The following LRRC36 variants were observed in gnomAD, a reference collection of about 807,000 sequenced individuals.
LRRC36 encodes leucine rich repeat containing 36.
Under a neutral mutation model 81.1 loss-of-function variants are expected in LRRC36, and 62 were observed. The ratio of observed to expected loss-of-function variants is 0.76; its 90% CI spans 0.62 to 0.94. The LOEUF (loss-of-function observed/expected upper bound fraction) is 0.94, where lower values mean the gene tolerates loss of function less well. LRRC36 is among the 40% of genes least tolerant of loss of function. LRRC36 has a pLI of 0.00. For synonymous variants in LRRC36, 334 were observed against 348.6 expected (o/e 0.96, Z 0.47); for missense variants, 761 against 881.7 (o/e 0.86, Z 1.73).
chr16:67,375,526 A>G, intron 10 of LRRC36, 114 bp downstream of exon 10: 1 of 717,554 alleles, frequency 1.4e-6, no homozygotes, highest in South Asian at 2.8e-5. Flanking sequence ...TCTCATGATC[A>G]CATCCTGAAA....
intron 12 of LRRC36, among the ~76,000 whole-genome samples, chr16:67,379,133 A>G (rs527293971): frequency 2.0e-5 from 3 of 152,170 alleles, no homozygotes; most frequent in South Asian, 2.1e-4. Context: ...CAAATTTACA[A>G]TTGTGGCTGG....
rs988376282 is a variant in LRRC36, at chr16:67,375,069, G to A, written c.1495-178G>A. ...TTGAACCTGGGAGGCAGAGATTGCA[G>A]TGAGCCCAGATCGCACCACTGCACT... is the stretch of plus-strand genomic sequence containing the variant. On this transcript the variant is annotated intron_variant, in intron 9 of 13. Coordinates refer to ENST00000329956, the MANE Select transcript of LRRC36 (RefSeq NM_018296.6). 3.4e-4 allele frequency among the ~76,000 whole-genome samples: 51 copies of A among 151,746 alleles called. 1 individual carries two copies. Among genetic ancestry groups the A allele is most frequent in the Non-Finnish European group, 1.6e-4 (11 of 67,982 alleles).
chr16:67,355,617 G>A (rs1191553472), intron 5 of LRRC36, among the ~76,000 whole-genome samples: 4 of 151,694 alleles, frequency 2.6e-5, no homozygotes, highest in Non-Finnish European at 4.4e-5. Context: ...CTCATGATCC[G>A]CCCGCCTCGG....
chr16:67,364,181 A>G (rs2039283291), intron 6 of LRRC36, among the ~76,000 whole-genome samples: 1 of 152,244 alleles, frequency 6.6e-6, no homozygotes, highest in Non-Finnish European at 1.5e-5. Context: ...AGGGGTAAAG[A>G]TGGCATGGAA....
intron 1 of LRRC36, among the ~76,000 whole-genome samples, chr16:67,339,749 G>A (rs1417717664): frequency 6.6e-6 from 1 of 151,980 alleles, no homozygotes; most frequent in Non-Finnish European, 1.5e-5. Context: ...TATTTCCTTT[G>A]CATCTATGTC....
At chr16:67,363,757 A>G (rs1310501833) in intron 6 of LRRC36, 43 bp downstream of exon 6, 2 of 1,592,458 alleles carry the variant, frequency 1.3e-6, no homozygotes, top group African/African-American at 2.7e-5. Flanking sequence ...CTAGTCAATG[A>G]TTAATACTGA....
At chr16:67,341,506 C>T (rs1037327299) in intron 1 of LRRC36, among the ~76,000 whole-genome samples, 36 of 151,760 alleles carry the variant, frequency 2.4e-4, no homozygotes, top group African/African-American at 8.7e-4. Context: ...ATTATTTAGG[C>T]TGTCTGGCTC....
Position 67,365,294 on chromosome 16 carries a change from C to CT in LRRC36, c.703-3dup. The CT allele has an allele frequency of 6.2e-7, 1 of 1,611,298 alleles. No homozygotes were observed. Among genetic ancestry groups the CT allele is most frequent in the South Asian group, 1.1e-5 (1 of 90,770 alleles). On this transcript the variant is annotated splice_polypyrimidine_tract_variant and intron_variant, in intron 6 of 13. Transcript: ENST00000329956. Reference sequence around the variant, plus strand: ...ACTTCCTTCTACCTAAACTTTCGAACTTTTTTTAGACACAGGAAGTAGCAA... The same window carrying CT: ...ACTTCCTTCTACCTAAACTTTCGAACTTTTTTTTAGACACAGGAAGTAGCAA...
chr16:67,367,967 G>A (rs900740231), intron 8 of LRRC36, among the ~76,000 whole-genome samples: 1 of 152,218 alleles, frequency 6.6e-6, no homozygotes, highest in African/African-American at 2.4e-5. Flanking sequence ...TGAGAGGCAG[G>A]AGAATTGCTT....
intron 1 of LRRC36, among the ~76,000 whole-genome samples, chr16:67,327,479 C>T (rs770296408): frequency 1.6e-4 from 25 of 151,880 alleles, no homozygotes; most frequent in Non-Finnish European, 2.6e-4. Context: ...GGCGACAGAG[C>T]GAGACTCCAT....
chr16:67,327,583 G>C (rs1368853164), intron 1 of LRRC36, among the ~76,000 whole-genome samples: 1 of 152,112 alleles, frequency 6.6e-6, no homozygotes, highest in Non-Finnish European at 1.5e-5. Context: ...TGGATATATG[G>C]GTCTGGACCT....
chr16:67,356,392 A>G (rs2038903612), intron 5 of LRRC36, among the ~76,000 whole-genome samples: 1 of 152,204 alleles, frequency 6.6e-6, no homozygotes, highest in African/African-American at 2.4e-5. Flanking sequence ...AGTCACTTAA[A>G]CTAGAAGTTC....
chr16:67,365,404 G>A (rs778268147), intron 7 of LRRC36, 49 bp downstream of exon 7: 1 of 1,519,300 alleles, frequency 6.6e-7, no homozygotes, highest in South Asian at 1.1e-5. Context: ...AATCAGAGAA[G>A]TCTGGATGTG....
At chr16:67,373,776 G>T (rs1204507625) in intron 9 of LRRC36, among the ~76,000 whole-genome samples, 1 of 149,890 alleles carries the variant, frequency 6.7e-6, no homozygotes, top group African/African-American at 2.5e-5. Context: ...ACTTTGCGAG[G>T]CCAAGGCAGG....
At chr16:67,373,461 A>G (rs1351988939) in intron 9 of LRRC36, among the ~76,000 whole-genome samples, 1 of 151,930 alleles carries the variant, frequency 6.6e-6, no homozygotes, top group East Asian at 1.9e-4. Context: ...TAATCCCAGC[A>G]CTTTGGGAGG....
chr16:67,332,120 A>T (rs923923342), intron 1 of LRRC36, among the ~76,000 whole-genome samples: 1 of 152,138 alleles, frequency 6.6e-6, no homozygotes, highest in African/African-American at 2.4e-5. Flanking sequence ...AGACTACTTG[A>T]TTTGTTATTT....
At chr16:67,335,164 C>T (rs2037697775) in intron 1 of LRRC36, among the ~76,000 whole-genome samples, 1 of 152,156 alleles carries the variant, frequency 6.6e-6, no homozygotes, top group Admixed American at 6.5e-5. Flanking sequence ...ATTTCCTCGT[C>T]CTAATAAGCC....
chr16:67,378,736 T>C, intron 12 of LRRC36, 24 bp downstream of exon 12: 1 of 1,611,148 alleles, frequency 6.2e-7, no homozygotes, highest in Non-Finnish European at 8.5e-7. Flanking sequence ...AGCCATGATA[T>C]ATGAGGCCTC....
At chr16:67,336,276 A>AT (rs1463552153) in intron 1 of LRRC36, among the ~76,000 whole-genome samples, 2 of 152,180 alleles carry the variant, frequency 1.3e-5, no homozygotes, top group Non-Finnish European at 2.9e-5. Context: ...AGTTTTGGTA[A>AT]TTATGAAGAA....
Sources: gnomAD v4.1 joint callset for allele counts (sites outside exome capture counted in the v4.1 genomes callset) on GRCh38, gnomAD v4.1.1 for gene constraint, MANE v1.5 for transcripts, NCBI Gene and HGNC (gene_info 2026-07-23, HGNC 2026-07-21) for gene names.